The following RALGPS2 variants were observed in gnomAD, a reference collection of about 807,000 sequenced individuals.
RALGPS2 encodes ras-specific guanine nucleotide-releasing factor RalGPS2.
RALGPS2 carries 43 observed loss-of-function variants against 86.8 expected under a neutral mutation model. The ratio of observed to expected loss-of-function variants is 0.50; its 90% CI spans 0.39 to 0.64. The LOEUF is 0.64. RALGPS2 is among the 30% of genes least tolerant of loss of function. The probability of loss-of-function intolerance (pLI) is 0.00; values close to 1 mark genes in which losing one functional copy is unlikely to be tolerated. For synonymous variants in RALGPS2, 243 were observed against 231.3 expected (o/e 1.05, Z -0.46); for missense variants, 536 against 694.6 (o/e 0.77, Z 2.57).
intron 1 of RALGPS2, among the ~76,000 whole-genome samples, chr1:178,767,212 T>C (rs539668111): frequency 6.6e-6 from 1 of 152,330 alleles, no homozygotes; most frequent in Non-Finnish European, 1.5e-5. Context: ...ATTTCTGTCA[T>C]TTCAGCCAGG....
At chr1:178,877,365 G>GTAT in intron 8 of RALGPS2, 133 bp from the exon 9 acceptor site, 4 of 1,343,596 alleles carry the variant, frequency 3.0e-6, no homozygotes, top group Non-Finnish European at 3.0e-6. Context: ...AGGCTTCAGT[G>GTAT]TATTAATAGC....
intron 17 of RALGPS2, among the ~76,000 whole-genome samples, chr1:178,898,852 T>C (rs1324105799): frequency 6.6e-6 from 1 of 151,928 alleles, no homozygotes; most frequent in African/African-American, 2.4e-5. Flanking sequence ...TCTGGTCAAA[T>C]TGACAATAAT....
rs898915698 is a variant in RALGPS2 at position 178,921,554 on chromosome 1, G to A, written c.*5195G>A. The A allele has an allele frequency of 6.6e-6, 1 of 151,982 alleles. No individual in the cohort carries two copies. Among genetic ancestry groups the A allele is most frequent in the Admixed American group, 6.6e-5 (1 of 15,236 alleles). The allele number at this position is 151,982 out of a possible 1,614,324, so 9.4% of individuals were successfully genotyped here. Reference sequence around the variant, plus strand: ...CTGGTTCACAACATAATCTGAAGGAGATCAAACATCTGTAAGGACAGGTAC... The same window carrying A: ...CTGGTTCACAACATAATCTGAAGGAAATCAAACATCTGTAAGGACAGGTAC... On this transcript the variant is annotated 3_prime_UTR_variant, in exon 20 of 20. Coordinates refer to ENST00000367635, the MANE Select transcript of RALGPS2 (RefSeq NM_152663.5).
At chr1:178,829,773 C>T (rs1655928955) in intron 7 of RALGPS2, among the ~76,000 whole-genome samples, 1 of 151,750 alleles carries the variant, frequency 6.6e-6, no homozygotes, top group African/African-American at 2.4e-5. Context: ...GAGATGGAGT[C>T]TCGCTCTATC....
intron 1 of RALGPS2, among the ~76,000 whole-genome samples, chr1:178,756,374 A>G (rs115539865): frequency 0.036 from 5,517 of 152,242 alleles, 124 homozygotes; most frequent in Middle Eastern, 0.058. Flanking sequence ...TGTTCTGCAT[A>G]TGGCTAGCCA....
chr1:178,790,961 A>G (rs1007515830), intron 4 of RALGPS2, among the ~76,000 whole-genome samples: 3 of 152,228 alleles, frequency 2.0e-5, no homozygotes, highest in Non-Finnish European at 4.4e-5. Flanking sequence ...AACCTCAGAT[A>G]TTATGAAAAG....
intron 1 of RALGPS2, among the ~76,000 whole-genome samples, chr1:178,738,502 G>A (rs909912514): frequency 1.3e-5 from 2 of 152,114 alleles, no homozygotes; most frequent in East Asian, 1.9e-4. Flanking sequence ...AGCCACTGCC[G>A]TCGGCTAATA....
intron 8 of RALGPS2, among the ~76,000 whole-genome samples, chr1:178,855,286 A>G (rs1657454083): frequency 6.8e-6 from 1 of 146,150 alleles, no homozygotes; most frequent in African/African-American, 2.7e-5. Flanking sequence ...TTGTTCCGTG[A>G]GGACAGAGAC....
intron 4 of RALGPS2, among the ~76,000 whole-genome samples, chr1:178,789,403 T>C (rs1653842154): frequency 1.3e-5 from 2 of 152,246 alleles, no homozygotes; most frequent in African/African-American, 4.8e-5. Context: ...ACCAAGGTTT[T>C]TGGCCTGAAG....
chr1:178,853,509 T>G (rs1657320237), intron 8 of RALGPS2: 1 of 1,109,150 alleles, frequency 9.0e-7, no homozygotes, highest in Non-Finnish European at 1.2e-6. Flanking sequence ...ACTGTGTGTC[T>G]TATTTATTGC....
At chr1:178,856,196 G>GATATATATATATAT (rs1449088390) in intron 8 of RALGPS2, among the ~76,000 whole-genome samples, 3 of 41,054 alleles carry the variant, frequency 7.3e-5, no homozygotes, top group African/African-American at 3.1e-4. Context: ...TTTCCAGAGA[G>GATATATATATATAT]AGAGAGATAT....
chr1:178,862,831 CTT>C (rs1351959962), intron 8 of RALGPS2, among the ~76,000 whole-genome samples: 1 of 152,066 alleles, frequency 6.6e-6, no homozygotes, highest in Non-Finnish European at 1.5e-5. Flanking sequence ...GCAAATTGGA[CTT>C]TTTCTGTTTG....
chr1:178,800,979 C>T (rs992464517), intron 4 of RALGPS2, among the ~76,000 whole-genome samples: 4 of 150,900 alleles, frequency 2.7e-5, no homozygotes, highest in African/African-American at 7.3e-5. Flanking sequence ...CAGGCTGGAG[C>T]GCAGTGGCGT....
At chr1:178,738,782 A>G (rs545180871) in intron 1 of RALGPS2, among the ~76,000 whole-genome samples, 31 of 152,312 alleles carry the variant, frequency 2.0e-4, no homozygotes, top group Admixed American at 4.6e-4. Context: ...TCATAGGATC[A>G]TTGTAAGGAT....
intron 4 of RALGPS2, among the ~76,000 whole-genome samples, chr1:178,800,654 G>C (rs1654425079): frequency 6.6e-6 from 1 of 152,148 alleles, no homozygotes; most frequent in South Asian, 2.1e-4. Flanking sequence ...GTCAGCAGTA[G>C]GCTATTAGTG....
chr1:178,876,554 A>G (rs1328188415), intron 8 of RALGPS2, among the ~76,000 whole-genome samples: 1 of 152,230 alleles, frequency 6.6e-6, no homozygotes, highest in Non-Finnish European at 1.5e-5. Context: ...ATAAGTCCAG[A>G]AAACATTTTA....
intron 3 of RALGPS2, 105 bp downstream of exon 3, chr1:178,784,627 C>T (rs1653558783): frequency 3.9e-6 from 3 of 760,740 alleles, no homozygotes; most frequent in Non-Finnish European, 6.0e-6. Flanking sequence ...TTTTAGAAAC[C>T]TGGATATGGG....
intron 8 of RALGPS2, among the ~76,000 whole-genome samples, chr1:178,858,591 T>G (rs1657746525): frequency 6.6e-6 from 1 of 152,180 alleles, no homozygotes; most frequent in African/African-American, 2.4e-5. Context: ...ATTCTGTACA[T>G]TGAATTTGAA....
chr1:178,844,322 C>T (rs991725126), intron 8 of RALGPS2, among the ~76,000 whole-genome samples: 1 of 152,158 alleles, frequency 6.6e-6, no homozygotes, highest in Non-Finnish European at 1.5e-5. Context: ...ATAGTTTTTT[C>T]TCCCCTAAAA....
Sources: gnomAD v4.1 joint callset for allele counts (sites outside exome capture counted in the v4.1 genomes callset) on GRCh38, gnomAD v4.1.1 for gene constraint, MANE v1.5 for transcripts, NCBI Gene and HGNC (gene_info 2026-07-23, HGNC 2026-07-21) for gene names.